The following SEC63 variants were observed in gnomAD, a reference collection of about 807,000 sequenced individuals.
SEC63 encodes the protein translocation protein SEC63 homolog.
A neutral mutation model predicts 116.2 loss-of-function variants in SEC63; 56 were observed. The observed-to-expected ratio is 0.48, with a 90% CI of 0.39 to 0.60. The LOEUF is 0.60. SEC63 is among the 20% of genes least tolerant of loss of function. The pLI is 0.00. For synonymous variants in SEC63, 273 were observed against 294.6 expected, an observed-to-expected ratio of 0.93 and a Z score of 0.75; for missense variants, 668 against 900.0, an observed-to-expected ratio of 0.74 and a Z score of 3.30.
In SEC63 at chr6:107,957,869, A is replaced by C; in HGVS notation, c.124+17T>G. On this transcript the variant is annotated intron_variant, in intron 1 of 20. Coordinates refer to ENST00000369002, the MANE Select transcript of SEC63 (RefSeq NM_007214.5). ...GGGGCCTGCGCGGGTTCGCGGGCAA[A>C]GGCCGGCGGGACTCACCGGCATTCT... 6.2e-7 allele frequency: 1 copy of C among 1,604,610 alleles called. No individual in the cohort carries two copies. Among genetic ancestry groups the C allele is most frequent in the Non-Finnish European group, 8.5e-7 (1 of 1,175,848 alleles).
intron 7 of SEC63, among the ~76,000 whole-genome samples, chr6:107,910,850 C>A (rs551261458): frequency 6.6e-6 from 1 of 151,950 alleles, no homozygotes; most frequent in East Asian, 1.9e-4. Context: ...CTCATTGCAA[C>A]CTCTGCCTCC....
At chr6:107,879,249 C>T (rs1459691493) in intron 18 of SEC63, among the ~76,000 whole-genome samples, 1 of 152,184 alleles carries the variant, frequency 6.6e-6, no homozygotes, top group African/African-American at 2.4e-5. Flanking sequence ...CTGCAACCTC[C>T]GCCTCCCAGG....
intron 1 of SEC63, among the ~76,000 whole-genome samples, chr6:107,935,091 G>A (rs1308713150): frequency 1.1e-4 from 15 of 142,280 alleles, no homozygotes; most frequent in African/African-American, 3.7e-4. Context: ...CCCTCTGCCT[G>A]GCCAGCTGCC....
chr6:107,881,180 G>A lies in SEC63; in HGVS notation c.1904C>T (p.Thr635Ile). ...RALLETKSKI[T>I]HPVYSLYFPE... is the part of the protein sequence containing the mutation. ...AAAGTAAAGGCTATACACAGGATGT[G>A]TTATTTTTGATTTGGTTTCCAATAG... Residue 635 changes from threonine (T) to isoleucine (I), a missense_variant, in exon 18 of 21, where the codon ACA (threonine) becomes ATA (isoleucine). Thr to Ile is a moderately conservative substitution (Grantham distance 89). This residue lies in a region of SEC63 where 430 missense variants were observed against 557.5 expected (regional missense o/e 0.77). Coordinates refer to ENST00000369002, the MANE Select transcript of SEC63 (RefSeq NM_007214.5). 1 of 1,612,294 alleles carries A rather than the reference G, an allele frequency of 6.2e-7. No homozygotes were observed. The highest frequency in any genetic ancestry group is 8.5e-7 in the Non-Finnish European group (1 of 1,179,208).
intron 7 of SEC63, 199 bp downstream of exon 7, chr6:107,911,147 A>T (rs1787274999): frequency 1.7e-6 from 1 of 589,946 alleles, no homozygotes; most frequent in Non-Finnish European, 3.0e-6. Flanking sequence ...GCTGGAGTGC[A>T]GAGGTGGGGT....
chr6:107,914,068 G>GT (rs1291876854), intron 4 of SEC63, among the ~76,000 whole-genome samples: 1 of 152,160 alleles, frequency 6.6e-6, no homozygotes, highest in African/African-American at 2.4e-5. Flanking sequence ...GAATGTGAAA[G>GT]TTAAAGAGTA....
At chr6:107,915,894 C>A (rs535316597) in intron 4 of SEC63, among the ~76,000 whole-genome samples, 2 of 152,046 alleles carry the variant, frequency 1.3e-5, no homozygotes, top group African/African-American at 4.8e-5. Flanking sequence ...CTAGGTCCCA[C>A]GATCACTTCA....
intron 16 of SEC63, among the ~76,000 whole-genome samples, chr6:107,889,056 T>G (rs954960566): frequency 2.0e-5 from 3 of 152,188 alleles, no homozygotes; most frequent in African/African-American, 7.2e-5. Context: ...ATTTTCTTTT[T>G]TTGTTGTGTC....
At chr6:107,886,676 T>C (rs1786535197) in intron 16 of SEC63, among the ~76,000 whole-genome samples, 1 of 146,692 alleles carries the variant, frequency 6.8e-6, no homozygotes, top group Non-Finnish European at 1.5e-5. Context: ...TGCCTGTTCA[T>C]ATACTTTGCC....
chr6:107,876,719 T>G, intron 18 of SEC63, 57 bp from the exon 19 acceptor site: 1 of 1,156,542 alleles, frequency 8.6e-7, no homozygotes, highest in African/African-American at 1.7e-5. Flanking sequence ...CAGAAAGAAC[T>G]AGAAAGAATA....
intron 12 of SEC63, among the ~76,000 whole-genome samples, chr6:107,902,366 A>T (rs926037866): frequency 1.3e-5 from 2 of 152,094 alleles, no homozygotes; most frequent in African/African-American, 4.8e-5. Context: ...TCAGTTTCTT[A>T]TATTTCCTCA....
At chr6:107,888,299 G>A (rs1315963999) in intron 16 of SEC63, among the ~76,000 whole-genome samples, 1 of 152,040 alleles carries the variant, frequency 6.6e-6, no homozygotes. Flanking sequence ...CCTTGAAGAG[G>A]TCCTTCACAT....
intron 7 of SEC63, among the ~76,000 whole-genome samples, chr6:107,910,878 G>A (rs1787268227): frequency 6.6e-6 from 1 of 151,742 alleles, no homozygotes. Flanking sequence ...AAACCAGCAT[G>A]TCTGACTAAT....
chr6:107,948,043 C>A (rs566978796), intron 1 of SEC63, among the ~76,000 whole-genome samples: 2 of 152,156 alleles, frequency 1.3e-5, no homozygotes, highest in Non-Finnish European at 2.9e-5. Flanking sequence ...TTACTAAACA[C>A]CTCCATGCTT....
intron 13 of SEC63, among the ~76,000 whole-genome samples, chr6:107,899,886 C>CCA (rs1470954664): frequency 6.6e-6 from 1 of 152,098 alleles, no homozygotes. Flanking sequence ...ACTCATGGCC[C>CCA]CACAAGGCAA....
At position 107,940,792 on chromosome 6, in the gene SEC63, T is replaced by TAA. The variant is rs35107353; in HGVS notation, c.125-11280_125-11279dup. Among the ~76,000 whole-genome samples the TAA allele has an allele frequency of 3.0e-3, 420 of 142,314 alleles. 6 individuals are homozygous for TAA. Among genetic ancestry groups the TAA allele is most frequent in the African/African-American group, 5.3e-3 (203 of 38,398 alleles). 93.4% of individuals were successfully genotyped at this position (142,314 alleles called of 152,430 possible). The stretch of plus-strand genomic sequence containing the variant: ...TTTCCCATTCCCTTAAAAGTATTCT[T>TAA]AAAAAAAAAAAAAAAGACTCGCTGC... On this transcript the variant is annotated intron_variant, in intron 1 of 20. Coordinates refer to ENST00000369002, the MANE Select transcript of SEC63 (RefSeq NM_007214.5).
In SEC63 at chr6:107,902,966, G is replaced by C. The variant is rs749391526; in HGVS notation, c.1087C>G (p.Leu363Val). 1.2e-6 allele frequency: 2 copies of C among 1,613,990 alleles called. No homozygotes were observed. The highest frequency in any genetic ancestry group is 1.6e-4 in the Middle Eastern group (1 of 6,062). The change falls in exon 12 of 21, where the codon CTA becomes GTA. Residue 363 changes from leucine to valine, a missense_variant. Transcript: ENST00000369002. ...REFRAPTLAS[L>V]ENCMKLSQMA... ...TGAGAAAGCTTCATGCAGTTTTCTA[G>C]GGATGCCAAAGTTGGAGCACGAAAC... is the stretch of plus-strand genomic sequence containing the variant.
chr6:107,924,746 T>C, intron 3 of SEC63, 72 bp downstream of exon 3: 2 of 776,186 alleles, frequency 2.6e-6, no homozygotes, highest in East Asian at 2.5e-5. Context: ...GACAATTTCT[T>C]TTAGAATGAG....
At chr6:107,955,061 G>C (rs1379928611) in intron 1 of SEC63, among the ~76,000 whole-genome samples, 1 of 152,210 alleles carries the variant, frequency 6.6e-6, no homozygotes, top group Non-Finnish European at 1.5e-5. Flanking sequence ...TTTCTATCTA[G>C]CAGTATGGAA....
Sources: gnomAD v4.1 joint callset for allele counts (sites outside exome capture counted in the v4.1 genomes callset) on GRCh38, gnomAD v4.1.1 for gene constraint, gnomAD v4.1.1 regional missense constraint, MANE v1.5 for transcripts, NCBI Gene and HGNC (gene_info 2026-07-23, HGNC 2026-07-21) for gene names.